GLIS3: variants seen among roughly 807,000 people sequenced by gnomAD.
GLIS3 encodes the protein GLIS family zinc finger 3.
A neutral mutation model predicts 78.6 loss-of-function variants in GLIS3; 53 were observed. The observed-to-expected ratio is 0.67, with a 90% CI of 0.54 to 0.85. The LOEUF is 0.85. Among genes scored for constraint, GLIS3 ranks in the 40% least tolerant of loss-of-function variants. The pLI, the probability that GLIS3 is intolerant of heterozygous loss-of-function variation, is 0.00. For missense variants in GLIS3, 1,703 were observed against 1,231.1 expected (o/e 1.38, Z -5.74); for synonymous variants, 684 against 509.9 (o/e 1.34, Z -4.60).
intron 2 of GLIS3, among the ~76,000 whole-genome samples, chr9:4,340,203 G>A (rs1478712073): frequency 2.6e-5 from 4 of 151,316 alleles, no homozygotes; most frequent in Non-Finnish European, 5.9e-5. Context: ...ATTACCACAG[G>A]GGAACAGAGT....
At chr9:4,065,127 A>G (rs1332328131) in intron 4 of GLIS3, among the ~76,000 whole-genome samples, 2 of 152,090 alleles carry the variant, frequency 1.3e-5, no homozygotes, top group East Asian at 3.9e-4. Flanking sequence ...GTCGGCCTAG[A>G]TTTCTGATTT....
intron 7 of GLIS3, among the ~76,000 whole-genome samples, chr9:3,896,769 T>C (rs1001501494): frequency 1.3e-5 from 2 of 151,168 alleles, no homozygotes; most frequent in Admixed American, 6.6e-5. Context: ...ATCATCTGCA[T>C]GTTTCAAGTG....
In GLIS3 at chr9:4,118,706, T is replaced by C; in HGVS notation, c.772A>G (p.Thr258Ala). Residue 258 changes from threonine to alanine, a missense_variant, in exon 4 of 11, where the codon ACA (threonine) becomes GCA (alanine). Coordinates refer to ENST00000381971, the MANE Select transcript of GLIS3 (RefSeq NM_001042413.2). This position sits in a 1 kb window ranked among gnomAD's most constrained non-coding sequence, Gnocchi z 4.7. ...LGDLLSLPPG[T>A]SMSSNSVSNS... ...GAGACACTATTGCTGGACATGGATG[T>C]CCCGGGAGGAAGGCTAAGGAGATCC... 1 of 1,613,996 alleles carries C rather than the reference T, an allele frequency of 6.2e-7. No individual in the cohort carries two copies. Among genetic ancestry groups the C allele is most frequent in the Non-Finnish European group, 8.5e-7 (1 of 1,180,004 alleles).
chr9:4,105,094 C>A (rs1205084070), intron 4 of GLIS3, among the ~76,000 whole-genome samples: 3 of 152,184 alleles, frequency 2.0e-5, no homozygotes, highest in South Asian at 2.1e-4. Flanking sequence ...ATGTTAATAA[C>A]CTTAGAATTT....
chr9:3,935,007 C>T (rs1257519535), intron 5 of GLIS3, among the ~76,000 whole-genome samples: 1 of 152,078 alleles, frequency 6.6e-6, no homozygotes, highest in Non-Finnish European at 1.5e-5. Context: ...ATTAATACAA[C>T]TTTTAAGGGT....
chr9:4,298,052 G>T (rs892691169), intron 1 of GLIS3, among the ~76,000 whole-genome samples: 5 of 152,192 alleles, frequency 3.3e-5, no homozygotes, highest in Non-Finnish European at 7.4e-5. Context: ...GCGAGCGAGC[G>T]AGGGAGCGAA....
chr9:3,901,540 CAGAA>C (rs1823301670), intron 6 of GLIS3, among the ~76,000 whole-genome samples: 2 of 152,156 alleles, frequency 1.3e-5, no homozygotes, highest in African/African-American at 4.8e-5. Context: ...AAATTCTGAT[CAGAA>C]AGAAAGACAA....
At chr9:4,341,551 T>C (rs1038363746) in intron 2 of GLIS3, among the ~76,000 whole-genome samples, 2 of 152,230 alleles carry the variant, frequency 1.3e-5, no homozygotes, top group African/African-American at 4.8e-5. Context: ...CCTCATTCTC[T>C]TCTGTCCTCA....
intron 2 of GLIS3, among the ~76,000 whole-genome samples, chr9:4,266,894 T>C (rs997489944): frequency 2.6e-5 from 4 of 152,256 alleles, no homozygotes; most frequent in Admixed American, 1.3e-4. Flanking sequence ...AGAACCTAAT[T>C]TGAAATCCAT....
chr9:4,266,011 C>G (rs1406600436), intron 2 of GLIS3, among the ~76,000 whole-genome samples: 1 of 152,026 alleles, frequency 6.6e-6, no homozygotes, highest in Non-Finnish European at 1.5e-5. Context: ...CTCCGCCTCC[C>G]AGGTTCACAC....
At chr9:4,069,817 T>A (rs1170657753) in intron 4 of GLIS3, among the ~76,000 whole-genome samples, 1 of 152,146 alleles carries the variant, frequency 6.6e-6, no homozygotes. Context: ...AATACCATTG[T>A]GCATTTTAGA....
intron 2 of GLIS3, among the ~76,000 whole-genome samples, chr9:4,169,006 G>C (rs1816131563): frequency 6.6e-6 from 1 of 152,188 alleles, no homozygotes; most frequent in East Asian, 1.9e-4. Context: ...GTCTCAGGTA[G>C]TATTTGGATA....
At chr9:4,294,818 T>C (rs1329035332) in intron 1 of GLIS3, among the ~76,000 whole-genome samples, 1 of 152,238 alleles carries the variant, frequency 6.6e-6, no homozygotes, top group Non-Finnish European at 1.5e-5. Flanking sequence ...TTATGCTACA[T>C]CTATATATTC....
intron 9 of GLIS3, among the ~76,000 whole-genome samples, chr9:3,841,313 G>A (rs1818701705): frequency 2.0e-5 from 3 of 152,132 alleles, no homozygotes; most frequent in Non-Finnish European, 4.4e-5. Context: ...ATGCACATTT[G>A]GAAAATACAT....
chr9:4,074,006 A>G (rs1444769067), intron 4 of GLIS3, among the ~76,000 whole-genome samples: 2 of 152,170 alleles, frequency 1.3e-5, no homozygotes, highest in East Asian at 1.9e-4. Context: ...GCAAGTTTGA[A>G]GTTTTATTCA....
the GLIS3 span, among the ~76,000 whole-genome samples, chr9:4,385,184 C>A: frequency 1.3e-5 from 2 of 152,224 alleles, no homozygotes; most frequent in African/African-American, 2.4e-5. Context: ...GCCTGCAGGA[C>A]TGTTTCTGCA....
intron 6 of GLIS3, among the ~76,000 whole-genome samples, chr9:3,907,342 A>G (rs931580703): frequency 2.6e-5 from 4 of 152,196 alleles, no homozygotes; most frequent in African/African-American, 9.6e-5. Flanking sequence ...AGGAGCCACA[A>G]TTCTTTATGT....
chr9:4,105,838 G>T (rs1403613260), intron 4 of GLIS3, among the ~76,000 whole-genome samples: 1 of 152,218 alleles, frequency 6.6e-6, no homozygotes, highest in Non-Finnish European at 1.5e-5. Flanking sequence ...TCTAAATCTG[G>T]CCTTTCCAGG....
intron 2 of GLIS3, among the ~76,000 whole-genome samples, chr9:4,184,894 G>A (rs1380268759): frequency 6.6e-6 from 1 of 152,044 alleles, no homozygotes; most frequent in African/African-American, 2.4e-5. Flanking sequence ...TTAAATATTG[G>A]GTTACATTAC....
Sources: gnomAD v4.1 joint callset for allele counts (sites outside exome capture counted in the v4.1 genomes callset) on GRCh38, gnomAD v4.1.1 for gene constraint, Gnocchi (gnomAD v3.1) non-coding constraint, MANE v1.5 for transcripts, NCBI Gene and HGNC (gene_info 2026-07-23, HGNC 2026-07-21) for gene names.